The following RBFOX3 variants were observed in gnomAD, a reference collection of about 807,000 sequenced individuals.
The protein encoded by RBFOX3 is RNA binding protein fox-1 homolog 3.
Under a neutral mutation model 48.7 loss-of-function variants are expected in RBFOX3, and 17 were observed. That is an observed-to-expected ratio of 0.35 (90% CI 0.24 to 0.52). The LOEUF (loss-of-function observed/expected upper bound fraction) is 0.52, where lower values mean the gene tolerates loss of function less well. Among genes scored for constraint, RBFOX3 ranks in the 20% least tolerant of loss-of-function variants. The pLI is 0.94. For missense variants in RBFOX3, 382 were observed against 497.5 expected (o/e 0.77, Z 2.21); for synonymous variants, 212 against 209.5 (o/e 1.01, Z -0.10).
At chr17:79,335,492 C>T (rs747044531) in intron 2 of RBFOX3, among the ~76,000 whole-genome samples, 2 of 152,136 alleles carry the variant, frequency 1.3e-5, no homozygotes, top group African/African-American at 2.4e-5. Context: ...GGCTGAGGTC[C>T]GACACTTGGC....
chr17:79,541,391 G>A (rs1409438302), intron 1 of RBFOX3, among the ~76,000 whole-genome samples: 1 of 152,218 alleles, frequency 6.6e-6, no homozygotes, highest in Non-Finnish European at 1.5e-5. Context: ...AAGAGGAGCT[G>A]AAGGACAATG....
chr17:79,504,314 G>A (rs1221723249), intron 1 of RBFOX3, among the ~76,000 whole-genome samples: 2 of 152,182 alleles, frequency 1.3e-5, no homozygotes, highest in African/African-American at 2.4e-5. Context: ...GCCATGGGAC[G>A]CTTCCCTCCC....
intron 9 of RBFOX3, among the ~76,000 whole-genome samples, chr17:79,100,584 C>T (rs191996384): frequency 1.1e-4 from 16 of 152,206 alleles, no homozygotes; most frequent in African/African-American, 2.9e-4. Flanking sequence ...CACGTATGGC[C>T]GATCACATGG....
At chr17:79,271,012 G>C (rs1478841134) in intron 3 of RBFOX3, among the ~76,000 whole-genome samples, 1 of 151,764 alleles carries the variant, frequency 6.6e-6, no homozygotes, top group African/African-American at 2.4e-5. Flanking sequence ...GCCCAGGACT[G>C]ATGACTTAAT....
chr17:79,542,309 C>T (rs1238912055), intron 1 of RBFOX3, among the ~76,000 whole-genome samples: 1 of 152,162 alleles, frequency 6.6e-6, no homozygotes, highest in Non-Finnish European at 1.5e-5. Flanking sequence ...ACAAGGGGCT[C>T]CCCAATGCTG....
At chr17:79,651,990 A>C in the RBFOX3 span, among the ~76,000 whole-genome samples, 1 of 151,254 alleles carries the variant, frequency 6.6e-6, no homozygotes, top group South Asian at 2.1e-4. Flanking sequence ...CAGATCCTTC[A>C]TCCCCAGTCA....
intron 3 of RBFOX3, among the ~76,000 whole-genome samples, chr17:79,289,742 C>T (rs1262597846): frequency 1.3e-5 from 2 of 152,174 alleles, no homozygotes; most frequent in Non-Finnish European, 2.9e-5. Context: ...CAGAAAGTGG[C>T]GTATTTTATC....
chr17:79,170,740 T>C (rs766285147), intron 4 of RBFOX3, among the ~76,000 whole-genome samples: 20 of 152,182 alleles, frequency 1.3e-4, no homozygotes, highest in South Asian at 2.1e-4. Context: ...TGAACTTTCC[T>C]TACTTGTAAA....
the RBFOX3 span, among the ~76,000 whole-genome samples, chr17:79,660,652 G>C: frequency 6.6e-6 from 1 of 152,210 alleles, no homozygotes; most frequent in African/African-American, 2.4e-5. Flanking sequence ...AACAGATGCT[G>C]GCGAGGTTAT....
chr17:79,600,396 T>C (rs1244164906), intron 1 of RBFOX3: 1 of 152,158 alleles, frequency 6.6e-6, no homozygotes, highest in Non-Finnish European at 1.5e-5. Flanking sequence ...TGCACTGATA[T>C]GCACGCACCT....
intron 3 of RBFOX3, among the ~76,000 whole-genome samples, chr17:79,294,000 A>G (rs9894139): frequency 0.42 from 63,672 of 152,040 alleles, 13,697 homozygotes; most frequent in Middle Eastern, 0.52. Flanking sequence ...AAGCAATGAC[A>G]TAGTCTCACA....
chr17:79,181,285 T>G (rs571163936), intron 4 of RBFOX3, among the ~76,000 whole-genome samples: 45 of 152,356 alleles, frequency 3.0e-4, no homozygotes, highest in Middle Eastern at 3.4e-3. Context: ...CTACGCTTCC[T>G]GCTGCCTGGG....
intron 2 of RBFOX3, among the ~76,000 whole-genome samples, chr17:79,366,562 C>T (rs2057777678): frequency 6.6e-6 from 1 of 152,248 alleles, no homozygotes; most frequent in East Asian, 1.9e-4. Context: ...TTCCCAGCTC[C>T]TGCTGTCTGC....
chr17:79,403,782 CTTTTTTT>C (rs781618072), intron 2 of RBFOX3, among the ~76,000 whole-genome samples: 5 of 124,354 alleles, frequency 4.0e-5, no homozygotes, highest in Admixed American at 8.6e-5. Context: ...TGTTCTTTTT[CTTTTTTT>C]TTTTTTTTTT....
chr17:79,496,353 G>T (rs2081539330), intron 1 of RBFOX3, among the ~76,000 whole-genome samples: 1 of 152,076 alleles, frequency 6.6e-6, no homozygotes, highest in Non-Finnish European at 1.5e-5. Context: ...TCTCCTGGAA[G>T]GTTTTGTTTT....
At chr17:79,174,589 T>C (rs1568282725) in intron 4 of RBFOX3, among the ~76,000 whole-genome samples, 2 of 151,354 alleles carry the variant, frequency 1.3e-5, no homozygotes, top group Non-Finnish European at 2.9e-5. Context: ...CATTGACACA[T>C]GCACACACCA....
chr17:79,247,228 T>C (rs2063299857), intron 3 of RBFOX3, among the ~76,000 whole-genome samples: 1 of 151,200 alleles, frequency 6.6e-6, no homozygotes, highest in Non-Finnish European at 1.5e-5. Context: ...GGATGAAAGG[T>C]GGGAGATACA....
intron 3 of RBFOX3, among the ~76,000 whole-genome samples, chr17:79,280,995 A>G (rs113800451): frequency 1.5e-3 from 225 of 152,298 alleles, no homozygotes; most frequent in African/African-American, 5.2e-3. Context: ...GACAGGGGAT[A>G]CTGAAAGATG....
intron 2 of RBFOX3, among the ~76,000 whole-genome samples, chr17:79,342,229 C>T (rs1025997659): frequency 6.6e-5 from 10 of 152,248 alleles, no homozygotes; most frequent in Non-Finnish European, 1.5e-4. Flanking sequence ...GTGAATAAAA[C>T]ATTAGACTTT....
Sources: gnomAD v4.1 joint callset for allele counts (sites outside exome capture counted in the v4.1 genomes callset) on GRCh38, gnomAD v4.1.1 for gene constraint, MANE v1.5 for transcripts, NCBI Gene and HGNC (gene_info 2026-07-23, HGNC 2026-07-21) for gene names.